Variants in LINGO2 observed in about 807,000 individuals in gnomAD.
LINGO2 encodes leucine-rich repeat and immunoglobulin-like domain-containing nogo receptor-interacting protein 2.
Under a neutral mutation model 30.6 loss-of-function variants are expected in LINGO2, and 14 were observed. The observed-to-expected ratio is 0.46, with a 90% confidence interval of 0.30 to 0.72. LINGO2 has a LOEUF of 0.72. Ranked by LOEUF, LINGO2 falls within the 30% of genes least tolerant of loss-of-function variation. The pLI, the probability that LINGO2 is intolerant of heterozygous loss-of-function variation, is 0.07. For missense variants in LINGO2, 729 were observed against 751.7 expected, an observed-to-expected ratio of 0.97 and a Z score of 0.35; for synonymous variants, 317 against 288.5, an observed-to-expected ratio of 1.10 and a Z score of -1.00.
At chr9:28,152,059 A>C (rs1054276672) in intron 4 of LINGO2, among the ~76,000 whole-genome samples, 1 of 152,226 alleles carries the variant, frequency 6.6e-6, no homozygotes, top group African/African-American at 2.4e-5. Context: ...TAAAGTATAG[A>C]ACTGGCAAAA....
intron 4 of LINGO2, among the ~76,000 whole-genome samples, chr9:28,154,364 A>C (rs1252053144): frequency 6.6e-6 from 1 of 152,202 alleles, no homozygotes; most frequent in Non-Finnish European, 1.5e-5. Context: ...GCCACAATTC[A>C]ATGGAAAATA....
intron 4 of LINGO2, among the ~76,000 whole-genome samples, chr9:28,284,852 C>A (rs1823450885): frequency 6.6e-6 from 1 of 152,114 alleles, no homozygotes; most frequent in Non-Finnish European, 1.5e-5. Context: ...CTGTTTACCT[C>A]AAGGCACCAA....
chr9:29,127,366 G>C, the LINGO2 span, among the ~76,000 whole-genome samples: 2 of 152,104 alleles, frequency 1.3e-5, no homozygotes, highest in Non-Finnish European at 2.9e-5. Context: ...TGAGCCAGGA[G>C]GTAAGCCCAG....
At chr9:29,091,694 T>C in the LINGO2 span, among the ~76,000 whole-genome samples, 1 of 152,028 alleles carries the variant, frequency 6.6e-6, no homozygotes. Context: ...AAGAAATTAC[T>C]GTTCTCCCCA....
chr9:29,071,482 C>CATATATATATATAT, the LINGO2 span, among the ~76,000 whole-genome samples: 2 of 120,874 alleles, frequency 1.7e-5, no homozygotes, highest in Non-Finnish European at 1.6e-5. Flanking sequence ...ATTAACTGGT[C>CATATATATATATAT]ATATATATAT....
intron 3 of LINGO2, among the ~76,000 whole-genome samples, chr9:28,330,835 T>C (rs945596788): frequency 2.0e-5 from 3 of 152,270 alleles, no homozygotes; most frequent in East Asian, 3.9e-4. Context: ...TGACCACAAA[T>C]TTTGGATTAG....
intron 3 of LINGO2, among the ~76,000 whole-genome samples, chr9:28,357,638 C>T (rs1471231832): frequency 2.0e-5 from 3 of 151,976 alleles, no homozygotes; most frequent in Non-Finnish European, 4.4e-5. Context: ...TATTTTTACC[C>T]TGAACAAATG....
At chr9:28,626,484 C>G (rs1826684655) in intron 1 of LINGO2, among the ~76,000 whole-genome samples, 1 of 152,078 alleles carries the variant, frequency 6.6e-6, no homozygotes, top group Non-Finnish European at 1.5e-5. Context: ...ACTCCCCACT[C>G]ATAAAGATTT....
intron 4 of LINGO2, among the ~76,000 whole-genome samples, chr9:28,252,678 T>C (rs1822246894): frequency 6.6e-6 from 1 of 151,938 alleles, no homozygotes; most frequent in Non-Finnish European, 1.5e-5. Flanking sequence ...GTACAAAATA[T>C]ATAATAGTAT....
At chr9:28,692,355 A>T in the LINGO2 span, among the ~76,000 whole-genome samples, 1 of 152,040 alleles carries the variant, frequency 6.6e-6, no homozygotes, top group African/African-American at 2.4e-5. Flanking sequence ...TGCACCTGTA[A>T]TCCCAGCCAT....
At chr9:28,358,450 T>A (rs1008618384) in intron 3 of LINGO2, among the ~76,000 whole-genome samples, 1 of 152,116 alleles carries the variant, frequency 6.6e-6, no homozygotes, top group Non-Finnish European at 1.5e-5. Flanking sequence ...GAGAGAATAA[T>A]TCATGAGATA....
chr9:29,051,290 G>T, the LINGO2 span, among the ~76,000 whole-genome samples: 1 of 152,122 alleles, frequency 6.6e-6, no homozygotes, highest in East Asian at 1.9e-4. Context: ...TCCCTGTTCT[G>T]CCTGTTCATT....
chr9:28,167,884 G>A (rs934095986), intron 4 of LINGO2, among the ~76,000 whole-genome samples: 3 of 152,224 alleles, frequency 2.0e-5, no homozygotes, highest in African/African-American at 7.2e-5. Flanking sequence ...ATTGGGCACA[G>A]TAGTCATCTC....
intron 1 of LINGO2, among the ~76,000 whole-genome samples, chr9:28,639,857 G>A (rs1205823539): frequency 2.0e-5 from 3 of 152,110 alleles, no homozygotes; most frequent in African/African-American, 7.2e-5. Context: ...ATTTGATCCT[G>A]TCATTATGAT....
the LINGO2 span, among the ~76,000 whole-genome samples, chr9:28,758,222 T>G: frequency 6.6e-6 from 1 of 152,058 alleles, no homozygotes; most frequent in African/African-American, 2.4e-5. Context: ...ACTCCTGTAC[T>G]TTGCAGACAG....
At chr9:28,246,389 T>G (rs1012755174) in intron 4 of LINGO2, among the ~76,000 whole-genome samples, 10 of 152,042 alleles carry the variant, frequency 6.6e-5, no homozygotes, top group Non-Finnish European at 1.5e-4. Flanking sequence ...ATCTTGCCAC[T>G]GCACTCCAGT....
chr9:28,693,019 G>GA, the LINGO2 span, among the ~76,000 whole-genome samples: 1 of 151,904 alleles, frequency 6.6e-6, no homozygotes, highest in African/African-American at 2.4e-5. Context: ...GATCTATGAT[G>GA]AAAAAAATTG....
At chr9:28,770,576 G>C in the LINGO2 span, among the ~76,000 whole-genome samples, 2 of 152,128 alleles carry the variant, frequency 1.3e-5, no homozygotes, top group Admixed American at 6.5e-5. Flanking sequence ...ATTCTACACT[G>C]TAGTACTTAG....
At chr9:28,296,906 T>C (rs1168829603) in intron 3 of LINGO2, among the ~76,000 whole-genome samples, 2 of 152,196 alleles carry the variant, frequency 1.3e-5, no homozygotes, top group Non-Finnish European at 2.9e-5. Context: ...TGCCAACATT[T>C]TTTTCTACTT....
Sources: allele counts gnomAD v4.1 joint callset (sites outside exome capture counted in the v4.1 genomes callset), GRCh38; gene constraint gnomAD v4.1.1; transcripts MANE v1.5; gene names NCBI Gene and HGNC (gene_info 2026-07-23, HGNC 2026-07-21).